GLI2: variants seen among roughly 807,000 people sequenced by gnomAD.
GLI2 encodes GLI family zinc finger 2.
Under a neutral mutation model 78.9 loss-of-function variants are expected in GLI2, and 22 were observed. That is an observed-to-expected ratio of 0.28 (90% CI 0.20 to 0.40). The LOEUF is 0.40. Ranked by LOEUF, GLI2 falls within the 10% of genes least tolerant of loss-of-function variation. The pLI is 1.00. For synonymous variants in GLI2, 974 were observed against 963.7 expected (o/e 1.01, Z -0.20); for missense variants, 2,097 against 2,213.2 (o/e 0.95, Z 1.05).
intron 2 of GLI2, among the ~76,000 whole-genome samples, chr2:120,844,534 C>T (rs544791718): frequency 3.3e-5 from 5 of 152,286 alleles, no homozygotes; most frequent in African/African-American, 1.2e-4. Context: ...CTGGAGCAGC[C>T]TTTGTTGCTC....
At chr2:120,881,733 GTGC>G (rs1677151296) in intron 2 of GLI2, among the ~76,000 whole-genome samples, 2 of 89,206 alleles carry the variant, frequency 2.2e-5, no homozygotes, top group Non-Finnish European at 2.3e-5. Flanking sequence ...GGGGAGGACA[GTGC>G]GGGGGAGAAC....
rs1318521427 is a variant in GLI2, at chr2:120,795,104, T to C, written c.-30-2187T>C. On this transcript the variant is annotated intron_variant, in intron 1 of 13. Coordinates refer to ENST00000361492, the MANE Select transcript of GLI2 (RefSeq NM_001374353.1). ...AAATTCTAGGCCGAGTGTGGTAGTG[T>C]GCACCTGTAGTCCCAGCTGAGGTGA... Among the ~76,000 whole-genome samples the C allele has an allele frequency of 2.0e-5, 3 of 152,218 alleles. No individual in the cohort carries two copies. The East Asian group carries it at 5.8e-4, about 29-fold the overall frequency.
intron 2 of GLI2, among the ~76,000 whole-genome samples, chr2:120,856,501 G>A (rs189797474): frequency 3.3e-5 from 5 of 152,180 alleles, no homozygotes; most frequent in East Asian, 1.9e-4. Flanking sequence ...CATGGGCCTC[G>A]TTTTAAAGTG....
At chr2:120,744,937 T>C (rs562684273) in intron 1 of GLI2, among the ~76,000 whole-genome samples, 1 of 152,350 alleles carries the variant, frequency 6.6e-6, no homozygotes, top group South Asian at 2.1e-4. Context: ...TAATGTCTTT[T>C]TACTATGATG....
intron 2 of GLI2, among the ~76,000 whole-genome samples, chr2:120,891,446 C>T (rs1677675670): frequency 1.3e-5 from 2 of 152,172 alleles, no homozygotes; most frequent in Non-Finnish European, 2.9e-5. Flanking sequence ...TTATAGGCAT[C>T]GTAATGTGGA....
chr2:120,982,764 C>T lies in GLI2; in HGVS notation c.1516C>T (p.His506Tyr). ...CTCCCGCCTGGAGAACCTGAAGACA[C>T]ACCTGCGGTCCCACACCGGGGAGAA... ...AYSRLENLKT[H>Y]LRSHTGEKPY... The change falls in exon 11 of 14, where the codon CAC (histidine) becomes TAC (tyrosine). Residue 506 changes from histidine (H) to tyrosine (Y), a missense_variant. Physicochemically the swap from His to Tyr is moderately conservative, Grantham distance 83. Coordinates refer to ENST00000361492, the MANE Select transcript of GLI2 (RefSeq NM_001374353.1). 1 of 1,614,084 alleles carries T rather than the reference C, an allele frequency of 6.2e-7. No individual in the cohort carries two copies. Among genetic ancestry groups the T allele is most frequent in the Non-Finnish European group, 8.5e-7 (1 of 1,179,934 alleles).
chr2:120,773,903 C>CTCCT (rs535223818), intron 1 of GLI2, among the ~76,000 whole-genome samples: 371 of 114,156 alleles, frequency 3.2e-3, no homozygotes, highest in African/African-American at 9.9e-3. Flanking sequence ...CCCTGCCTCC[C>CTCCT]TCCTTCCTTC....
chr2:120,974,103 G>A (rs1351780420), intron 8 of GLI2, among the ~76,000 whole-genome samples: 2 of 152,146 alleles, frequency 1.3e-5, no homozygotes, highest in Non-Finnish European at 2.9e-5. Flanking sequence ...AGTTTGAAGT[G>A]CGAAGCAATC....
At chr2:120,768,830 CGT>C (rs1558787047) in intron 1 of GLI2, among the ~76,000 whole-genome samples, 1 of 121,222 alleles carries the variant, frequency 8.2e-6, no homozygotes, top group African/African-American at 3.2e-5. Flanking sequence ...TGTGTGTGTG[CGT>C]GTGTGTGCAC....
chr2:120,828,838 G>GCT (rs1173743348), intron 2 of GLI2, among the ~76,000 whole-genome samples: 1 of 142,264 alleles, frequency 7.0e-6, no homozygotes, highest in Non-Finnish European at 1.5e-5. Context: ...TGGATTCTCT[G>GCT]CTGAGGCCGT....
At chr2:120,817,982 T>G (rs1437924691) in intron 2 of GLI2, among the ~76,000 whole-genome samples, 3 of 152,238 alleles carry the variant, frequency 2.0e-5, no homozygotes, top group Non-Finnish European at 4.4e-5. Flanking sequence ...AAGGGTCCCC[T>G]GGTTTGCCCA....
chr2:120,846,019 C>G (rs965712602), intron 2 of GLI2, among the ~76,000 whole-genome samples: 4 of 152,186 alleles, frequency 2.6e-5, no homozygotes, highest in South Asian at 2.1e-4. Flanking sequence ...CTGGACATCA[C>G]TGGGGGCTCT....
At chr2:120,743,794 C>T (rs915325679) in intron 1 of GLI2, among the ~76,000 whole-genome samples, 4 of 152,198 alleles carry the variant, frequency 2.6e-5, no homozygotes, top group Non-Finnish European at 5.9e-5. Context: ...GTCCTCCCAG[C>T]TTCAAAACCC....
At chr2:120,983,013 C>T (rs945121203) in intron 11 of GLI2, 133 bp downstream of exon 11, 1 of 744,350 alleles carries the variant, frequency 1.3e-6, no homozygotes, top group Admixed American at 2.4e-5. Context: ...GCTATACATC[C>T]TCAGATACAG....
At position 120,818,562 on chromosome 2, in the gene GLI2, G is replaced by A. The variant is rs778320154; in HGVS notation, c.148+21094G>A. ...GCTGGGCACTACTGGAAGGAAGCAA[G>A]AGTGCGTCTCTCCCTGCCCCTCCTC... On this transcript the variant is annotated intron_variant, in intron 2 of 13. Transcript: ENST00000361492. Among the ~76,000 whole-genome samples the A allele has an allele frequency of 5.3e-5, 8 of 152,302 alleles. No individual in the cohort carries two copies. The East Asian group carries it at 1.5e-3, about 29-fold the overall frequency.
chr2:120,838,112 T>G (rs1686702101), intron 2 of GLI2, among the ~76,000 whole-genome samples: 1 of 152,244 alleles, frequency 6.6e-6, no homozygotes, highest in African/African-American at 2.4e-5. Context: ...CCGCCCATGA[T>G]CACGGCCTTT....
intron 2 of GLI2, among the ~76,000 whole-genome samples, chr2:120,828,783 G>A (rs1686207590): frequency 6.8e-6 from 1 of 146,860 alleles, no homozygotes; most frequent in African/African-American, 2.5e-5. Flanking sequence ...TATTTGGTCA[G>A]ACACTATAAT....
At chr2:120,798,671 C>T (rs921831785) in intron 2 of GLI2, among the ~76,000 whole-genome samples, 3 of 152,088 alleles carry the variant, frequency 2.0e-5, no homozygotes, top group Non-Finnish European at 4.4e-5. Flanking sequence ...GCCCCTTGGA[C>T]GGGGACTCTC....
At chr2:120,858,432 AGCTTG>A (rs1171849883) in intron 2 of GLI2, among the ~76,000 whole-genome samples, 4 of 152,192 alleles carry the variant, frequency 2.6e-5, no homozygotes, top group African/African-American at 9.7e-5. Flanking sequence ...GCATAGATGA[AGCTTG>A]GCTCTGGGTC....
Sources: gnomAD v4.1 joint callset for allele counts (sites outside exome capture counted in the v4.1 genomes callset) on GRCh38, gnomAD v4.1.1 for gene constraint, MANE v1.5 for transcripts, NCBI Gene and HGNC (gene_info 2026-07-23, HGNC 2026-07-21) for gene names.